Variants in TMEM233 observed in about 807,000 individuals in gnomAD.
TMEM233 encodes dispanin subfamily B member 2.
TMEM233 carries 6 observed loss-of-function variants against 11.2 expected under a neutral mutation model. The ratio of observed to expected loss-of-function variants is 0.54; its 90% CI spans 0.29 to 1.06. The LOEUF (loss-of-function observed/expected upper bound fraction) is 1.06, where lower values mean the gene tolerates loss of function less well. Among genes scored for constraint, TMEM233 ranks in the 50% least tolerant of loss-of-function variants. TMEM233 has a pLI of 0.08. For synonymous variants in TMEM233, 59 were observed against 55.8 expected, an observed-to-expected ratio of 1.06 and a Z score of -0.26; for missense variants, 127 against 144.7, an observed-to-expected ratio of 0.88 and a Z score of 0.63.
intron 2 of TMEM233, among the ~76,000 whole-genome samples, chr12:119,635,284 G>A (rs1317329139): frequency 6.6e-6 from 1 of 152,146 alleles, no homozygotes; most frequent in South Asian, 2.1e-4. Flanking sequence ...CATCTGGGAT[G>A]TTTATAAAAA....
chr12:119,638,331 C>T (rs1318307994), intron 2 of TMEM233, among the ~76,000 whole-genome samples: 1 of 152,092 alleles, frequency 6.6e-6, no homozygotes, highest in African/African-American at 2.4e-5. Context: ...GGCTTGGTGG[C>T]ATGCACCTGT....
chr12:119,634,008 A>C (rs1273986546), intron 2 of TMEM233, among the ~76,000 whole-genome samples: 1 of 152,262 alleles, frequency 6.6e-6, no homozygotes, highest in African/African-American at 2.4e-5. Flanking sequence ...GGTGGCGGGC[A>C]GAAGGGTCTT....
intron 2 of TMEM233, 149 bp downstream of exon 2, chr12:119,630,021 TC>T: frequency 1.0e-6 from 1 of 955,362 alleles, no homozygotes; most frequent in Non-Finnish European, 1.5e-6. Flanking sequence ...TTTGTCCCAG[TC>T]CAGAGGGACA....
chr12:119,619,647 A>G (rs1946407027), intron 1 of TMEM233, among the ~76,000 whole-genome samples: 1 of 152,076 alleles, frequency 6.6e-6, no homozygotes, highest in Admixed American at 6.6e-5. Flanking sequence ...TCTCAAGAAA[A>G]AAAAAAAAAC....
intron 2 of TMEM233, among the ~76,000 whole-genome samples, chr12:119,640,162 T>TTTTGG (rs1955055460): frequency 6.6e-6 from 1 of 151,832 alleles, no homozygotes; most frequent in Admixed American, 6.6e-5. Context: ...TGTTGTTTTG[T>TTTTGG]TTTGTTTTTT....
chr12:119,616,734 C>A (rs527354006), intron 1 of TMEM233, among the ~76,000 whole-genome samples: 43 of 152,154 alleles, frequency 2.8e-4, no homozygotes, highest in Non-Finnish European at 6.0e-4. Flanking sequence ...CCCCATGTGT[C>A]ATGGGAGGAA....
At chr12:119,603,052 C>T (rs927003960) in intron 1 of TMEM233, among the ~76,000 whole-genome samples, 2 of 151,682 alleles carry the variant, frequency 1.3e-5, no homozygotes, top group African/African-American at 2.4e-5. Context: ...TGCAGAAGCT[C>T]GAGACAAACC....
intron 1 of TMEM233, among the ~76,000 whole-genome samples, chr12:119,624,020 A>G (rs1029392055): frequency 2.0e-5 from 3 of 152,136 alleles, no homozygotes; most frequent in African/African-American, 7.2e-5. Flanking sequence ...GGATAGTTAC[A>G]TAGACCAGAA....
Position 119,642,642 on chromosome 12 carries a change from C to T in TMEM233, c.*1937C>T, listed in dbSNP as rs907486705. 2 of 152,100 alleles carry T rather than the reference C, an allele frequency of 1.3e-5. No individual in the cohort carries two copies. The highest frequency in any genetic ancestry group is 2.9e-5 in the Non-Finnish European group (2 of 68,020). The allele number at this position is 152,100 out of a possible 1,614,324, so 9.4% of individuals were successfully genotyped here. On this transcript the variant is annotated 3_prime_UTR_variant, in exon 3 of 3. Coordinates refer to ENST00000426426, the MANE Select transcript of TMEM233 (RefSeq NM_001136534.3). ...AGCCTCTCTGTGCCTAAAATTCCTT[C>T]ACCTGCAAAATGGGGATAAGAATGC...
At chr12:119,628,164 A>ATT (rs552217837) in intron 1 of TMEM233, among the ~76,000 whole-genome samples, 117 of 149,490 alleles carry the variant, frequency 7.8e-4, no homozygotes, top group African/African-American at 2.7e-3. Flanking sequence ...TATTTTTTTT[A>ATT]TTTTTATTTT....
intron 1 of TMEM233, among the ~76,000 whole-genome samples, chr12:119,602,341 A>G (rs1954185495): frequency 6.6e-6 from 1 of 152,216 alleles, no homozygotes; most frequent in South Asian, 2.1e-4. Flanking sequence ...GGAGCACCAA[A>G]TGCTGATTCA....
At position 119,641,787 on chromosome 12, in the gene TMEM233, C is replaced by A. The variant is rs1176159141; in HGVS notation, c.*1082C>A. On this transcript the variant is annotated 3_prime_UTR_variant, in exon 3 of 3. Transcript: ENST00000426426. Reference sequence around the variant, plus strand: ...AATACCAAATCACAAAGAATGTTTCCCCTTTTCTATTCTTTTTTCATCCTG... The same window carrying A: ...AATACCAAATCACAAAGAATGTTTCACCTTTTCTATTCTTTTTTCATCCTG... 1 of 152,064 alleles carries A rather than the reference C, an allele frequency of 6.6e-6. No individual in the cohort carries two copies. Among genetic ancestry groups the A allele is most frequent in the Non-Finnish European group, 1.5e-5 (1 of 68,016 alleles). The allele number at this position is 152,064 out of a possible 1,614,324, so 9.4% of individuals were successfully genotyped here. A position where few individuals can be genotyped will look rare whatever the true frequency, so the allele number is the denominator to read the frequency against.
At chr12:119,609,027 T>C (rs1203783031) in intron 1 of TMEM233, among the ~76,000 whole-genome samples, 1 of 151,804 alleles carries the variant, frequency 6.6e-6, no homozygotes, top group African/African-American at 2.4e-5. Context: ...CAGGCAGAGG[T>C]TGGAACAGTT....
rs368043652 is a variant in TMEM233 at position 119,617,008 on chromosome 12, T to C, written c.187-12728T>C. ...CCTTTATAAATTACCCGGTCTCAGG[T>C]ATGTCTTTATTAACAGCGTGAGAAC... On this transcript the variant is annotated intron_variant, in intron 1 of 2. Transcript: ENST00000426426. Among the ~76,000 whole-genome samples the C allele has an allele frequency of 6.6e-5, 10 of 152,300 alleles. 1 individual carries two copies. Among genetic ancestry groups the C allele is most frequent in the East Asian group, 1.9e-4 (1 of 5,188 alleles).
intron 1 of TMEM233, among the ~76,000 whole-genome samples, chr12:119,596,487 C>CTTTT (rs34129084): frequency 0.023 from 2,078 of 90,284 alleles, 112 homozygotes; most frequent in African/African-American, 0.045. Flanking sequence ...AAGTTTGTAT[C>CTTTT]TTTTTTTTTT....
At chr12:119,603,084 G>A (rs545773699) in intron 1 of TMEM233, among the ~76,000 whole-genome samples, 3 of 151,692 alleles carry the variant, frequency 2.0e-5, no homozygotes, top group South Asian at 4.2e-4. Flanking sequence ...ATAAAACCCC[G>A]TCCCTACAAA....
At chr12:119,646,363 G>A (rs1189595129), downstream of TMEM233, among the ~76,000 whole-genome samples, 2 of 152,174 alleles carry the variant, frequency 1.3e-5, no homozygotes, top group Non-Finnish European at 2.9e-5. Context: ...CAGTCCTACA[G>A]TAGCTTTCTT....
intron 1 of TMEM233, among the ~76,000 whole-genome samples, chr12:119,622,960 A>G (rs1954672548): frequency 6.6e-6 from 1 of 152,170 alleles, no homozygotes; most frequent in Non-Finnish European, 1.5e-5. Context: ...GGTCACATAC[A>G]AGATGCCAGA....
rs1012353998 is a variant in TMEM233 at position 119,594,393 on chromosome 12, C to G, written c.186+359C>G. ...AGGCACTTGCCCGGGGCTTCTCAAC[C>G]CTCTTTTCTAGAGCCCCAGTGCGCG... On this transcript the variant is annotated intron_variant, in intron 1 of 2. Coordinates refer to ENST00000426426, the MANE Select transcript of TMEM233 (RefSeq NM_001136534.3). This position sits in a 1 kb window ranked among gnomAD's most constrained non-coding sequence, Gnocchi z 5.6. The G allele has an allele frequency of 2.2e-5, 5 of 222,584 alleles. No homozygotes were observed. The highest frequency in any genetic ancestry group is 4.6e-5 in the African/African-American group (2 of 43,642). 13.8% of individuals were successfully genotyped at this position (222,584 alleles called of 1,614,324 possible).
Sources: allele counts gnomAD v4.1 joint callset (sites outside exome capture counted in the v4.1 genomes callset), GRCh38; gene constraint gnomAD v4.1.1; non-coding constraint Gnocchi (gnomAD v3.1); transcripts MANE v1.5; gene names NCBI Gene and HGNC (gene_info 2026-07-23, HGNC 2026-07-21).